KCNMA1: variants seen among roughly 807,000 people sequenced by gnomAD.
KCNMA1 encodes Calcium-activated potassium channel subunit alpha-1.
A neutral mutation model predicts 140.0 loss-of-function variants in KCNMA1; 29 were observed. The observed-to-expected ratio is 0.21, with a 90% confidence interval of 0.15 to 0.28. KCNMA1 has a LOEUF of 0.28. Ranked by LOEUF, KCNMA1 falls within the 10% of genes least tolerant of loss-of-function variation. The pLI, the probability that KCNMA1 is intolerant of heterozygous loss-of-function variation, is 1.00. For synonymous variants in KCNMA1, 612 were observed against 611.9 expected (o/e 1.00, Z 0.00); for missense variants, 880 against 1,602.2 (o/e 0.55, Z 7.70).
intron 5 of KCNMA1, among the ~76,000 whole-genome samples, chr10:77,165,885 G>C (rs577492949): frequency 6.6e-6 from 1 of 152,178 alleles, no homozygotes; most frequent in Admixed American, 6.5e-5. Context: ...TTCTGAGGGC[G>C]ACAGCCACTA....
intron 19 of KCNMA1, among the ~76,000 whole-genome samples, chr10:76,976,416 G>C (rs1342597923): frequency 6.6e-6 from 1 of 152,156 alleles, no homozygotes; most frequent in Non-Finnish European, 1.5e-5. Flanking sequence ...AAAGAATTCA[G>C]CTCCTCCATA....
At chr10:77,285,565 G>A (rs1425437914) in intron 2 of KCNMA1, among the ~76,000 whole-genome samples, 3 of 152,184 alleles carry the variant, frequency 2.0e-5, no homozygotes, top group Non-Finnish European at 4.4e-5. Context: ...TTAGGATGGT[G>A]TTTTGCCCTT....
intron 25 of KCNMA1, chr10:76,901,475 T>C (rs1451777092): frequency 1.3e-5 from 2 of 152,172 alleles, no homozygotes; most frequent in African/African-American, 4.8e-5. Context: ...GCTGGGAGGT[T>C]ATTGTTTTGT....
chr10:77,570,126 T>G (rs975255298), intron 1 of KCNMA1, among the ~76,000 whole-genome samples: 1 of 151,652 alleles, frequency 6.6e-6, no homozygotes, highest in Non-Finnish European at 1.5e-5. Flanking sequence ...GGAACACTTT[T>G]ACACTGTTGG....
At chr10:77,006,776 A>G (rs1345082652) in intron 18 of KCNMA1, among the ~76,000 whole-genome samples, 1 of 152,192 alleles carries the variant, frequency 6.6e-6, no homozygotes, top group Non-Finnish European at 1.5e-5. Context: ...ATTCTGAAGG[A>G]CCATTCAATT....
At chr10:77,601,031 C>T (rs2082470646) in intron 1 of KCNMA1, among the ~76,000 whole-genome samples, 1 of 152,214 alleles carries the variant, frequency 6.6e-6, no homozygotes, top group Admixed American at 6.5e-5. Context: ...TGAGCAAAGT[C>T]AATTTTCTCA....
At chr10:77,347,242 T>C (rs1319903319) in intron 2 of KCNMA1, among the ~76,000 whole-genome samples, 2 of 152,208 alleles carry the variant, frequency 1.3e-5, no homozygotes, top group East Asian at 3.8e-4. Flanking sequence ...GCCTTGTGCA[T>C]GAACCCCACC....
chr10:77,126,602 C>G (rs2097738207), intron 5 of KCNMA1, among the ~76,000 whole-genome samples: 1 of 152,162 alleles, frequency 6.6e-6, no homozygotes, highest in Non-Finnish European at 1.5e-5. Context: ...TTGTCCTGGG[C>G]TCTTGAAGAG....
intron 19 of KCNMA1, chr10:76,977,670 C>T (rs899047096): frequency 2.8e-6 from 2 of 702,698 alleles, no homozygotes; most frequent in South Asian, 3.0e-5. Flanking sequence ...AAAAGAAATA[C>T]CCGTGGAGCC....
intron 1 of KCNMA1, among the ~76,000 whole-genome samples, chr10:77,509,684 A>G (rs1031887609): frequency 6.6e-6 from 1 of 152,216 alleles, no homozygotes; most frequent in African/African-American, 2.4e-5. Flanking sequence ...GATAATAGCC[A>G]TCCTAATGGA....
chr10:77,212,306 A>T (rs2154175590), intron 3 of KCNMA1, among the ~76,000 whole-genome samples: 1 of 152,366 alleles, frequency 6.6e-6, no homozygotes, highest in Non-Finnish European at 1.5e-5. Context: ...GGTAACGGGA[A>T]TGGAGCTGGA....
At chr10:77,528,594 G>A (rs1203060146) in intron 1 of KCNMA1, among the ~76,000 whole-genome samples, 1 of 149,124 alleles carries the variant, frequency 6.7e-6, no homozygotes, top group African/African-American at 2.5e-5. Flanking sequence ...GGGTGACAGA[G>A]TGAGAGCCCA....
rs114139957 is a variant in KCNMA1, at chr10:77,551,146, A to G, written c.378+86119T>C. ...CACACCCAGCTACCACTATTTTTAT[A>G]TTAAATAAAACATGTATCATGGAGT... On this transcript the variant is annotated intron_variant, in intron 1 of 27. Transcript: ENST00000286628. Among the ~76,000 whole-genome samples, 691 of 152,230 alleles carry G rather than the reference A, an allele frequency of 4.5e-3. 3 individuals are homozygous for G. Among genetic ancestry groups the G allele is most frequent in the African/African-American group, 0.016 (647 of 41,534 alleles).
At chr10:77,506,621 TAGAG>T (rs1475743572) in intron 1 of KCNMA1, among the ~76,000 whole-genome samples, 2 of 54,012 alleles carry the variant, frequency 3.7e-5, no homozygotes, top group African/African-American at 2.2e-4. Flanking sequence ...GTGTGTGTGT[TAGAG>T]AGGGAGAGAG....
intron 5 of KCNMA1, among the ~76,000 whole-genome samples, chr10:77,167,666 G>A (rs531671334): frequency 5.3e-5 from 8 of 151,882 alleles, no homozygotes; most frequent in East Asian, 3.9e-4. Context: ...TGAAAGGCAC[G>A]CTCATTTTCT....
At chr10:77,574,124 C>G (rs2154561584) in intron 1 of KCNMA1, among the ~76,000 whole-genome samples, 1 of 152,282 alleles carries the variant, frequency 6.6e-6, no homozygotes, top group South Asian at 2.1e-4. Context: ...GCATGAGCCA[C>G]TGTACCCAGA....
intron 1 of KCNMA1, among the ~76,000 whole-genome samples, chr10:77,612,533 G>A (rs542034009): frequency 5.9e-5 from 9 of 152,234 alleles, no homozygotes; most frequent in South Asian, 2.1e-4. Context: ...GCTTGTGGTC[G>A]GCATCTCCTC....
chr10:77,237,927 T>G (rs761166759), intron 3 of KCNMA1, among the ~76,000 whole-genome samples: 2 of 152,210 alleles, frequency 1.3e-5, no homozygotes, highest in African/African-American at 2.4e-5. Context: ...GGCAGCGCTC[T>G]CAGGCCTGTC....
intron 2 of KCNMA1, among the ~76,000 whole-genome samples, chr10:77,351,595 A>G (rs192299918): frequency 2.0e-5 from 3 of 152,256 alleles, no homozygotes. Flanking sequence ...CAGATAACCA[A>G]TGTTATCCTC....
Sources: gnomAD v4.1 joint callset for allele counts (sites outside exome capture counted in the v4.1 genomes callset) on GRCh38, gnomAD v4.1.1 for gene constraint, MANE v1.5 for transcripts, NCBI Gene and HGNC (gene_info 2026-07-23, HGNC 2026-07-21) for gene names.